Variants in EML2 observed in about 807,000 individuals in gnomAD.
The protein encoded by EML2 is echinoderm microtubule-associated protein-like 2.
EML2 carries 59 observed loss-of-function variants against 84.7 expected under a neutral mutation model. The observed-to-expected ratio is 0.70, with a 90% CI of 0.56 to 0.86. The LOEUF (loss-of-function observed/expected upper bound fraction) is 0.86, where lower values mean the gene tolerates loss of function less well. EML2 is among the 40% of genes least tolerant of loss of function. The probability of loss-of-function intolerance (pLI) is 0.00; values close to 1 mark genes in which losing one functional copy is unlikely to be tolerated. For synonymous variants in EML2, 352 were observed against 348.9 expected (o/e 1.01, Z -0.10); for missense variants, 818 against 855.6 (o/e 0.96, Z 0.55).
intron 11 of EML2, chr19:45,620,821 C>T (rs1971597481): frequency 1.4e-5 from 5 of 361,330 alleles, no homozygotes; most frequent in South Asian, 8.5e-5. Context: ...GAGGAGCAGG[C>T]GTTTGAGCTT....
chr19:45,638,614 ACATTTTCACGGAGC>A lies in EML2; in HGVS notation c.56_69del (p.Gly19ValfsTer84), dbSNP rs1600225889. The A allele has an allele frequency of 6.2e-7, 1 of 1,614,008 alleles. No homozygotes were observed. Among genetic ancestry groups the A allele is most frequent in the Middle Eastern group, 1.7e-4 (1 of 6,060 alleles). ...ATGGGCACAGGGCGGCCCCTCAGGAACATTTTCACGGAGCCATCCTCTGCCAGGACACCCCCAGA... is the reference window on the plus strand; with the variant it reads ...ATGGGCACAGGGCGGCCCCTCAGGAACATCCTCTGCCAGGACACCCCCAGA... On this transcript the variant is annotated frameshift_variant, in exon 3 of 19. Transcript: ENST00000245925. LOFTEE classifies it high-confidence loss of function.
At chr19:45,624,443 C>T (rs886573381) in intron 9 of EML2, among the ~76,000 whole-genome samples, 2 of 152,096 alleles carry the variant, frequency 1.3e-5, no homozygotes, top group African/African-American at 4.8e-5. Flanking sequence ...TTCCATCCAC[C>T]CATCCATCCA....
rs1381773199 is a variant in EML2 at position 45,624,827 on chromosome 19, G to A, written c.742-9C>T. 6 of 1,600,742 alleles carry A rather than the reference G, an allele frequency of 3.7e-6. No individual in the cohort carries two copies. In the African/African-American group the frequency reaches 5.4e-5, roughly 14 times the overall value. On this transcript the variant is annotated splice_polypyrimidine_tract_variant and intron_variant, in intron 8 of 18. Transcript: ENST00000245925. ...TTCGGTTTCTCATGTTTCTAAGGTG[G>A]GGGAGGAAAGGAAGGTGTCAGAGCG...
upstream of EML2, among the ~76,000 whole-genome samples, chr19:45,644,162 C>T (rs1465217209): frequency 6.6e-6 from 1 of 152,090 alleles, no homozygotes; most frequent in Non-Finnish European, 1.5e-5. Flanking sequence ...TGTTGATGCT[C>T]GATAAATCCA....
intron 9 of EML2, among the ~76,000 whole-genome samples, chr19:45,623,685 G>A (rs561204997): frequency 2.6e-5 from 4 of 152,030 alleles, no homozygotes; most frequent in African/African-American, 4.8e-5. Context: ...CGACTAGCTG[G>A]GATTACAGGT....
At chr19:45,636,318 G>A (rs1008045073) in intron 3 of EML2, among the ~76,000 whole-genome samples, 4 of 152,174 alleles carry the variant, frequency 2.6e-5, no homozygotes, top group Non-Finnish European at 4.4e-5. Flanking sequence ...ATGGGATCTC[G>A]CTTTGTTGCC....
chr19:45,616,887 G>C (rs367696065), intron 13 of EML2, 34 bp from the exon 14 acceptor site: 32 of 1,532,852 alleles, frequency 2.1e-5, no homozygotes, highest in Non-Finnish European at 2.8e-5. Context: ...GGGAGGAGGG[G>C]TGAGCTGATC....
intron 9 of EML2, 36 bp downstream of exon 9, chr19:45,624,683 C>A: frequency 6.5e-7 from 1 of 1,533,380 alleles, no homozygotes; most frequent in East Asian, 2.3e-5. Context: ...TTTCAGAAGA[C>A]TGGATTGGGA....
chr19:45,626,925 G>A, intron 7 of EML2, 86 bp from the exon 8 acceptor site: 4 of 1,337,816 alleles, frequency 3.0e-6, no homozygotes, highest in South Asian at 1.5e-5. Flanking sequence ...GCCCTAAACG[G>A]CTGTTTGTGT....
chr19:45,625,194 C>T (rs56813063), intron 8 of EML2, among the ~76,000 whole-genome samples: 32,448 of 151,632 alleles, frequency 0.21, 3,666 homozygotes, highest in East Asian at 0.3. Flanking sequence ...GCCTCCCAAG[C>T]AGCTGGGATT....
chr19:45,616,814 AG>A lies in EML2; in HGVS notation c.1361del (p.Ala454ValfsTer94), dbSNP rs1971137218. The A allele has an allele frequency of 6.2e-6, 10 of 1,613,306 alleles. No homozygotes were observed. Among genetic ancestry groups the A allele is most frequent in the Non-Finnish European group, 7.6e-6 (9 of 1,179,960 alleles). On this transcript the variant is annotated frameshift_variant, in exon 14 of 19. Coordinates refer to ENST00000245925, the MANE Select transcript of EML2 (RefSeq NM_012155.4). LOFTEE classifies it high-confidence loss of function. ...TCTGTTCATTGCCGTCTGTGTGGAT[AG>A]CCACCAGGTCATGGGTCTCCGTGTC... ...LLDTETHDLV[A>X]IHTDGNEQIS...
upstream of EML2, chr19:45,643,792 C>T: frequency 2.0e-6 from 3 of 1,464,340 alleles, no homozygotes; most frequent in African/African-American, 1.4e-5. Flanking sequence ...GCCCGCCCTG[C>T]CCCCCACTCA....
chr19:45,645,227 T>A, upstream of EML2: 14 of 1,521,762 alleles, frequency 9.2e-6, no homozygotes, highest in Non-Finnish European at 1.2e-5. Context: ...AAGAGATGGG[T>A]CCAGCCTTGG....
At position 45,637,133 on chromosome 19, in the gene EML2, A is replaced by G. The variant is rs902291007; in HGVS notation, c.179+1372T>C. Among the ~76,000 whole-genome samples, 3 of 152,180 alleles carry G rather than the reference A, an allele frequency of 2.0e-5. No homozygotes were observed. In the South Asian group the frequency reaches 6.2e-4, roughly 31 times the overall value. ...AGGGGATATTTCCAGCTGCCTCGAG[A>G]AGGCTCTGGGCACCCAGAAGGCCAG... On this transcript the variant is annotated intron_variant, in intron 3 of 18. Coordinates refer to ENST00000245925, the MANE Select transcript of EML2 (RefSeq NM_012155.4).
At chr19:45,624,353 T>C (rs1410944761) in intron 9 of EML2, among the ~76,000 whole-genome samples, 1 of 152,160 alleles carries the variant, frequency 6.6e-6, no homozygotes, top group East Asian at 1.9e-4. Context: ...CATTCATTCC[T>C]TCATTCACTT....
chr19:45,625,328 C>T (rs973663054), intron 8 of EML2, among the ~76,000 whole-genome samples: 20 of 152,176 alleles, frequency 1.3e-4, no homozygotes, highest in African/African-American at 4.6e-4. Context: ...GCAACCTCCA[C>T]CTCCCGGGTT....
In EML2 at chr19:45,609,673, C is replaced by T. The variant is rs190700619; in HGVS notation, c.1940G>A (p.Arg647Gln). Residue 647 changes from arginine (R) to glutamine (Q), a missense_variant, in exon 19 of 19, where the codon CGG (arginine) becomes CAG (glutamine). Physicochemically the swap from Arg to Gln is conservative, Grantham distance 43. Coordinates refer to ENST00000245925, the MANE Select transcript of EML2 (RefSeq NM_012155.4). ...GGKDTSVLQW[R>Q]VV ...TCTTCCCTGGCCGCATCAGACCACCCGCCACTGTAGCACACTGGTGTCCTT... is the reference window on the plus strand; with the variant it reads ...TCTTCCCTGGCCGCATCAGACCACCTGCCACTGTAGCACACTGGTGTCCTT... 9.7e-5 allele frequency: 156 copies of T among 1,604,744 alleles called. 4 individuals are homozygous for T. In the South Asian group the frequency reaches 1.1e-3, roughly 12 times the overall value.
intron 3 of EML2, among the ~76,000 whole-genome samples, chr19:45,635,704 T>G (rs373275600): frequency 7.3e-5 from 11 of 150,794 alleles, no homozygotes; most frequent in African/African-American, 2.7e-4. Context: ...GGGATTCTTC[T>G]GCCTCAGCCT....
chr19:45,624,869 C>G (rs766210072), intron 8 of EML2, 51 bp from the exon 9 acceptor site: 1 of 1,373,478 alleles, frequency 7.3e-7, no homozygotes. Flanking sequence ...AAGCAGGTAG[C>G]CTCCCAGAGG....
Sources: allele counts gnomAD v4.1 joint callset (sites outside exome capture counted in the v4.1 genomes callset), GRCh38; gene constraint gnomAD v4.1.1; transcripts MANE v1.5; gene names NCBI Gene and HGNC (gene_info 2026-07-23, HGNC 2026-07-21).